Variants in IFFO2 observed in about 807,000 individuals in gnomAD.
IFFO2 encodes intermediate filament family orphan 2.
A neutral mutation model predicts 53.5 loss-of-function variants in IFFO2; 19 were observed. The ratio of observed to expected loss-of-function variants is 0.36; its 90% CI spans 0.25 to 0.52. The LOEUF (loss-of-function observed/expected upper bound fraction) is 0.52, where lower values mean the gene tolerates loss of function less well. IFFO2 is among the 20% of genes least tolerant of loss of function. IFFO2 has a pLI of 0.94. For synonymous variants in IFFO2, 303 were observed against 313.6 expected (o/e 0.97, Z 0.36); for missense variants, 570 against 727.4 (o/e 0.78, Z 2.49).
At chr1:18,914,767 G>A (rs909228215) in intron 5 of IFFO2, among the ~76,000 whole-genome samples, 1 of 147,062 alleles carries the variant, frequency 6.8e-6, no homozygotes, top group Non-Finnish European at 1.5e-5. Flanking sequence ...AAGCTGCAGT[G>A]AGCTGAGATC....
chr1:18,948,853 TCTG>T (rs1278367776), intron 1 of IFFO2, among the ~76,000 whole-genome samples: 2 of 152,180 alleles, frequency 1.3e-5, no homozygotes, highest in African/African-American at 4.8e-5. Flanking sequence ...GTGAAATCAT[TCTG>T]AACTTGACTG....
chr1:18,906,875 A>T lies in IFFO2; in HGVS notation c.*1686T>A, dbSNP rs899025597. ...AGGCCACCAAATCGTGATAAATTACATCACACATAGTCACTAACACATTCT... is the reference window on the plus strand; with the variant it reads ...AGGCCACCAAATCGTGATAAATTACTTCACACATAGTCACTAACACATTCT... On this transcript the variant is annotated 3_prime_UTR_variant, in exon 9 of 9. Coordinates refer to ENST00000455833, the MANE Select transcript of IFFO2 (RefSeq NM_001136265.2). 3.3e-5 allele frequency: 5 copies of T among 152,166 alleles called. No individual in the cohort carries two copies. The allele number at this position is 152,166 out of a possible 1,614,324, so 9.4% of individuals were successfully genotyped here. A position where few individuals can be genotyped will look rare whatever the true frequency, so the allele number is the denominator to read the frequency against.
At chr1:18,929,661 G>GACA in intron 1 of IFFO2, among the ~76,000 whole-genome samples, 2 of 151,842 alleles carry the variant, frequency 1.3e-5, no homozygotes, top group South Asian at 2.1e-4. Flanking sequence ...GTGGTGACTT[G>GACA]AGAGGTGAGA....
intron 1 of IFFO2, among the ~76,000 whole-genome samples, chr1:18,924,683 G>A (rs955634398): frequency 6.6e-6 from 1 of 152,244 alleles, no homozygotes; most frequent in African/African-American, 2.4e-5. Context: ...GCTGAAAGGG[G>A]AAGGAAGGCT....
At chr1:18,952,952 C>T (rs902789489) in intron 1 of IFFO2, among the ~76,000 whole-genome samples, 14 of 152,220 alleles carry the variant, frequency 9.2e-5, no homozygotes, top group Admixed American at 7.2e-4. Flanking sequence ...ACTCAACAAG[C>T]GTCCGGCTTG....
Position 18,918,824 on chromosome 1 carries a change from A to G in IFFO2, c.823-322T>C, listed in dbSNP as rs1936173259. 6.6e-6 allele frequency among the ~76,000 whole-genome samples: 1 copy of G among 152,134 alleles called. No individual in the cohort carries two copies. Among genetic ancestry groups the G allele is most frequent in the South Asian group, 2.1e-4 (1 of 4,838 alleles). On this transcript the variant is annotated intron_variant, in intron 3 of 8. Transcript: ENST00000455833. This position sits in a 1 kb window ranked among gnomAD's most constrained non-coding sequence, Gnocchi z 5.2. ...GAAGAAAAAAGACAACTCCCGCTGG[A>G]GAAAGACAGCCCTTCTTTTCCCACC... is the stretch of plus-strand genomic sequence containing the variant.
chr1:18,938,112 A>T (rs1340048266), intron 1 of IFFO2, among the ~76,000 whole-genome samples: 2 of 152,166 alleles, frequency 1.3e-5, no homozygotes, highest in Admixed American at 1.3e-4. Context: ...ATCCCAAAAC[A>T]CTTTGACGTC....
intron 5 of IFFO2, among the ~76,000 whole-genome samples, chr1:18,912,666 T>C (rs1936058359): frequency 6.6e-6 from 1 of 152,164 alleles, no homozygotes; most frequent in Non-Finnish European, 1.5e-5. Context: ...CCACTAAGCA[T>C]GCAGCAAAAT....
rs1403529791 is a variant in IFFO2 at position 18,919,233 on chromosome 1, C to A, written c.822+445G>T. Among the ~76,000 whole-genome samples, 2 of 152,192 alleles carry A rather than the reference C, an allele frequency of 1.3e-5. No homozygotes were observed. Among genetic ancestry groups the A allele is most frequent in the South Asian group, 2.1e-4 (1 of 4,828 alleles). On this transcript the variant is annotated intron_variant, in intron 3 of 8. Coordinates refer to ENST00000455833, the MANE Select transcript of IFFO2 (RefSeq NM_001136265.2). The surrounding 1 kb of genome is among the most constrained non-coding windows in gnomAD (Gnocchi z 4.9). ...ATTGTCAAAAAGACACGCGCACTGG[C>A]CTTTCCTGACCTCATGGAGCAACCC...
At chr1:18,942,208 G>C (rs976610067) in intron 1 of IFFO2, among the ~76,000 whole-genome samples, 8 of 152,218 alleles carry the variant, frequency 5.3e-5, no homozygotes, top group African/African-American at 1.4e-4. Context: ...CTTATCTCCG[G>C]GGTAAGCCCT....
In IFFO2 at chr1:18,916,137, C is replaced by G. The variant is rs900502318; in HGVS notation, c.1103+766G>C. Among the ~76,000 whole-genome samples the G allele has an allele frequency of 4.6e-5, 7 of 151,636 alleles. No individual in the cohort carries two copies. Among genetic ancestry groups the G allele is most frequent in the African/African-American group, 1.5e-4 (6 of 41,312 alleles). On this transcript the variant is annotated intron_variant, in intron 5 of 8. Coordinates refer to ENST00000455833, the MANE Select transcript of IFFO2 (RefSeq NM_001136265.2). The surrounding 1 kb of genome is among the most constrained non-coding windows in gnomAD (Gnocchi z 4.3). ...GAGACTGTCTCAAAAAAAAAAATAG[C>G]CTACAAATAAGACCACATCTGCCAT...
intron 8 of IFFO2, among the ~76,000 whole-genome samples, chr1:18,909,685 A>C (rs1450044968): frequency 6.6e-6 from 1 of 152,182 alleles, no homozygotes; most frequent in African/African-American, 2.4e-5. Context: ...TGCCATGACT[A>C]TAAGTTTCCT....
In IFFO2 at chr1:18,939,305, G is replaced by A. The variant is rs562640078; in HGVS notation, c.665+16363C>T. 3.3e-4 allele frequency among the ~76,000 whole-genome samples: 50 copies of A among 152,322 alleles called. No homozygotes were observed. In the South Asian group the frequency reaches 7.5e-3, roughly 23 times the overall value. ...TTCTGCTTCCAGGACATCTGTCTGC[G>A]GCAGGGACCACCAGGCCAGAGGCCA... On this transcript the variant is annotated intron_variant, in intron 1 of 8. Transcript: ENST00000455833.
intron 1 of IFFO2, among the ~76,000 whole-genome samples, chr1:18,931,674 A>G (rs1016163998): frequency 3.0e-4 from 46 of 152,170 alleles, no homozygotes; most frequent in African/African-American, 1.1e-3. Context: ...ACCATCTCTA[A>G]TTCTCACCAC....
At chr1:18,931,826 C>T (rs1936379384) in intron 1 of IFFO2, among the ~76,000 whole-genome samples, 1 of 152,174 alleles carries the variant, frequency 6.6e-6, no homozygotes, top group Non-Finnish European at 1.5e-5. Flanking sequence ...CTCCATAAGC[C>T]CCACTCCCTG....
rs1432590213 is a variant in IFFO2, at chr1:18,906,623, A to G, written c.*1938T>C. ...AAAATAAAAATTCAACAACAATAAC[A>G]ACAAGAATCAGGTATGTTTGAACCC... is the stretch of plus-strand genomic sequence containing the variant. On this transcript the variant is annotated 3_prime_UTR_variant, in exon 9 of 9. Transcript: ENST00000455833. 6.6e-6 allele frequency: 1 copy of G among 152,190 alleles called. No individual in the cohort carries two copies. Among genetic ancestry groups the G allele is most frequent in the Non-Finnish European group, 1.5e-5 (1 of 68,026 alleles). The allele number at this position is 152,190 out of a possible 1,614,324, so 9.4% of individuals were successfully genotyped here.
intron 5 of IFFO2, among the ~76,000 whole-genome samples, chr1:18,915,323 G>T (rs890651352): frequency 6.6e-6 from 1 of 152,184 alleles, no homozygotes; most frequent in Admixed American, 6.5e-5. Context: ...CTGCTAGAAG[G>T]AGCATGCCCT....
At chr1:18,909,195 C>T (rs1035679682) in intron 8 of IFFO2, among the ~76,000 whole-genome samples, 3 of 152,084 alleles carry the variant, frequency 2.0e-5, no homozygotes, top group African/African-American at 2.4e-5. Context: ...GGCAAGGCTA[C>T]GGCCCTGCAC....
chr1:18,953,875 G>C (rs1936689598), intron 1 of IFFO2, among the ~76,000 whole-genome samples: 3 of 152,076 alleles, frequency 2.0e-5, no homozygotes, highest in Non-Finnish European at 4.4e-5. Context: ...CATCACCTTA[G>C]TAGCCAGGTC....
Sources: gnomAD v4.1 joint callset for allele counts (sites outside exome capture counted in the v4.1 genomes callset) on GRCh38, gnomAD v4.1.1 for gene constraint, Gnocchi (gnomAD v3.1) non-coding constraint, MANE v1.5 for transcripts, NCBI Gene and HGNC (gene_info 2026-07-23, HGNC 2026-07-21) for gene names.